Variants in SLC22A24 observed in about 807,000 individuals in gnomAD.
The protein encoded by SLC22A24 is steroid transmembrane transporter SLC22A24.
In SLC22A24, 53 loss-of-function variants were observed where a neutral mutation model predicts 49.8. That is an observed-to-expected ratio of 1.06 (90% CI 0.85 to 1.34). SLC22A24 has a LOEUF of 1.34. SLC22A24 is among the 40% of genes most tolerant of loss of function. The pLI, the probability that SLC22A24 is intolerant of heterozygous loss-of-function variation, is 0.00. For missense variants in SLC22A24, 786 were observed against 675.9 expected (o/e 1.16, Z -1.81); for synonymous variants, 302 against 256.4 (o/e 1.18, Z -1.70).
At chr11:63,106,642 C>T (rs534552931) in intron 4 of SLC22A24, among the ~76,000 whole-genome samples, 19 of 152,284 alleles carry the variant, frequency 1.2e-4, no homozygotes, top group South Asian at 6.2e-4. Flanking sequence ...TAGATGGTAT[C>T]GCATCATGGT....
At chr11:63,095,841 A>C (rs776480129) in intron 6 of SLC22A24, 150 bp downstream of exon 6, 13 of 607,164 alleles carry the variant, frequency 2.1e-5, no homozygotes, top group Non-Finnish European at 3.8e-5. Flanking sequence ...GCTATCTAAA[A>C]ATGTGGCACT....
chr11:63,113,213 CACATATATATATATACAT>C (rs1565332362), intron 4 of SLC22A24, among the ~76,000 whole-genome samples: 226 of 2,536 alleles, frequency 0.089, 22 homozygotes, highest in Admixed American at 0.14. Flanking sequence ...CATATATATA[CACATATATATATATACAT>C]ATATATATAT....
intron 7 of SLC22A24, among the ~76,000 whole-genome samples, chr11:63,081,959 A>T (rs1429856564): frequency 1.3e-5 from 2 of 152,182 alleles, no homozygotes; most frequent in Non-Finnish European, 2.9e-5. Flanking sequence ...TGTTTTATTT[A>T]TTCTGTGTAA....
chr11:63,081,716 AC>A (rs1565321346), intron 7 of SLC22A24, 50 bp from the exon 8 acceptor site: 2 of 1,221,242 alleles, frequency 1.6e-6, no homozygotes, highest in South Asian at 1.3e-5. Flanking sequence ...AAACTTTTCA[AC>A]CCCCAAATAA....
intron 1 of SLC22A24, among the ~76,000 whole-genome samples, chr11:63,140,662 C>G (rs1413198997): frequency 3.3e-5 from 5 of 152,118 alleles, no homozygotes; most frequent in African/African-American, 1.2e-4. Context: ...ATTAAAATTG[C>G]TTACTTATCA....
intron 2 of SLC22A24, among the ~76,000 whole-genome samples, chr11:63,128,978 C>A (rs769464930): frequency 6.6e-6 from 1 of 151,960 alleles, no homozygotes; most frequent in Non-Finnish European, 1.5e-5. Context: ...CTGGTCCCTA[C>A]AAATTAGATC....
chr11:63,099,736 A>G (rs2134648013), intron 5 of SLC22A24, among the ~76,000 whole-genome samples: 1 of 152,190 alleles, frequency 6.6e-6, no homozygotes, highest in Middle Eastern at 3.4e-3. Context: ...ACGGCCAGGC[A>G]GAATTTATGA....
rs565596030 is a variant in SLC22A24 at position 63,081,503 on chromosome 11, A to G, written c.1394+55T>C. On this transcript the variant is annotated intron_variant, in intron 8 of 9. Coordinates refer to ENST00000612278, the MANE Select transcript of SLC22A24 (RefSeq NM_001136506.2). The stretch of plus-strand genomic sequence containing the variant: ...TGTCAGTCTTTCATTCACAATGAAT[A>G]TCAATAAATTCAGAAATTTGTGTTT... 6 of 1,199,590 alleles carry G rather than the reference A, an allele frequency of 5.0e-6. No individual in the cohort carries two copies. In the South Asian group the frequency reaches 7.8e-5, roughly 16 times the overall value. The allele number at this position is 1,199,590 out of a possible 1,614,324, so 74.3% of individuals were successfully genotyped here. A position where few individuals can be genotyped will look rare whatever the true frequency, so the allele number is the denominator to read the frequency against.
chr11:63,101,984 G>A (rs562288809), intron 5 of SLC22A24, among the ~76,000 whole-genome samples: 56 of 152,156 alleles, frequency 3.7e-4, no homozygotes, highest in Non-Finnish European at 7.4e-4. Flanking sequence ...TAGTGGGTAC[G>A]AAAATATAGT....
chr11:63,113,231 T>TATATATATACACATATATATAC (rs1565332411), intron 4 of SLC22A24, among the ~76,000 whole-genome samples: 6 of 125,238 alleles, frequency 4.8e-5, no homozygotes, highest in African/African-American at 2.1e-4. Flanking sequence ...TATATATACA[T>TATATATATACACATATATATAC]ATATATATAT....
intron 6 of SLC22A24, among the ~76,000 whole-genome samples, chr11:63,086,914 G>T (rs1035208693): frequency 9.9e-5 from 15 of 151,938 alleles, no homozygotes; most frequent in Admixed American, 6.6e-4. Context: ...TGGGATGTAG[G>T]TTTGGCAATG....
At chr11:63,099,875 TC>T (rs2087080190) in intron 5 of SLC22A24, among the ~76,000 whole-genome samples, 1 of 152,066 alleles carries the variant, frequency 6.6e-6, no homozygotes, top group African/African-American at 2.4e-5. Context: ...AAATTCAACT[TC>T]CCTTCATGAT....
intron 6 of SLC22A24, among the ~76,000 whole-genome samples, chr11:63,094,666 C>T (rs1036910050): frequency 5.9e-5 from 9 of 152,162 alleles, no homozygotes; most frequent in Middle Eastern, 6.8e-3. Context: ...TTTTAATGAT[C>T]GCCATTCTAA....
intron 6 of SLC22A24, among the ~76,000 whole-genome samples, chr11:63,090,744 C>T (rs997623339): frequency 1.3e-5 from 2 of 148,494 alleles, no homozygotes; most frequent in Admixed American, 1.3e-4. Flanking sequence ...GAACAAAGAC[C>T]CCAAGTACCA....
intron 2 of SLC22A24, among the ~76,000 whole-genome samples, chr11:63,126,599 T>C (rs1434280316): frequency 6.6e-6 from 1 of 152,214 alleles, no homozygotes; most frequent in Non-Finnish European, 1.5e-5. Flanking sequence ...GCGTGTTGCC[T>C]CCAGCTTTAT....
At chr11:63,091,282 AG>A (rs1417928192) in intron 6 of SLC22A24, among the ~76,000 whole-genome samples, 1 of 152,210 alleles carries the variant, frequency 6.6e-6, no homozygotes, top group Non-Finnish European at 1.5e-5. Context: ...CAACCAAAAA[AG>A]GGCAAGGACC....
Position 63,080,008 on chromosome 11 carries a change from A to G in SLC22A24, c.1599-8T>C. On this transcript the variant is annotated splice_polypyrimidine_tract_variant and splice_region_variant and intron_variant, in intron 9 of 9. Coordinates refer to ENST00000612278, the MANE Select transcript of SLC22A24 (RefSeq NM_001136506.2). ...TTTCTTGAATCTTTTCTGCTGAGAAATAGAAATGCAAACAAAAACAAGATT... is the reference window on the plus strand; with the variant it reads ...TTTCTTGAATCTTTTCTGCTGAGAAGTAGAAATGCAAACAAAAACAAGATT... The G allele has an allele frequency of 6.6e-7, 1 of 1,509,832 alleles. No homozygotes were observed. The highest frequency in any genetic ancestry group is 2.0e-5 in the Admixed American group (1 of 50,872). 93.5% of individuals were successfully genotyped at this position (1,509,832 alleles called of 1,614,324 possible). A position where few individuals can be genotyped will look rare whatever the true frequency, so the allele number is the denominator to read the frequency against.
At chr11:63,094,883 CCTTT>C (rs1454652593) in intron 6 of SLC22A24, among the ~76,000 whole-genome samples, 1 of 151,876 alleles carries the variant, frequency 6.6e-6, no homozygotes, top group Non-Finnish European at 1.5e-5. Context: ...GGATATTAGC[CCTTT>C]GTCAGATGAG....
intron 1 of SLC22A24, among the ~76,000 whole-genome samples, chr11:63,136,707 G>A (rs932943194): frequency 6.6e-6 from 1 of 152,222 alleles, no homozygotes; most frequent in Admixed American, 6.5e-5. Context: ...CCCTTGGGTG[G>A]TTGCAAATTT....
Sources: allele counts gnomAD v4.1 joint callset (sites outside exome capture counted in the v4.1 genomes callset), GRCh38; gene constraint gnomAD v4.1.1; transcripts MANE v1.5; gene names NCBI Gene and HGNC (gene_info 2026-07-23, HGNC 2026-07-21).